Variants in MEIS2 observed in about 807,000 individuals in gnomAD.
MEIS2 encodes homeobox protein Meis2.
MEIS2 carries 9 observed loss-of-function variants against 58.6 expected under a neutral mutation model. The ratio of observed to expected loss-of-function variants is 0.15; its 90% confidence interval spans 0.09 to 0.27. The LOEUF (loss-of-function observed/expected upper bound fraction) is 0.27. Among genes scored for constraint, MEIS2 ranks in the 10% least tolerant of loss-of-function variants. The probability of loss-of-function intolerance (pLI) is 1.00; values close to 1 mark genes in which losing one functional copy is unlikely to be tolerated. For missense variants in MEIS2, 427 were observed against 635.0 expected (o/e 0.67, Z 3.52); for synonymous variants, 221 against 228.4 (o/e 0.97, Z 0.29).
intron 1 of MEIS2, 121 bp downstream of exon 1, chr15:37,099,334 A>G (rs897210866): frequency 3.2e-6 from 5 of 1,564,200 alleles, no homozygotes; most frequent in South Asian, 1.2e-5. Flanking sequence ...TTTTTAAAAT[A>G]CTGGCCGCCA....
At chr15:36,922,477 T>TA (rs2057554359) in intron 9 of MEIS2, among the ~76,000 whole-genome samples, 2 of 151,930 alleles carry the variant, frequency 1.3e-5, no homozygotes, top group African/African-American at 4.8e-5. Context: ...TTTTTTTTTT[T>TA]AAATGTTACA....
rs2061665531 is a variant in MEIS2 at position 37,025,334 on chromosome 15, T to TC, written c.900+11479dup. Among the ~76,000 whole-genome samples, 3 of 152,322 alleles carry TC rather than the reference T, an allele frequency of 2.0e-5. No individual in the cohort carries two copies. The South Asian group carries it at 6.2e-4, about 32-fold the overall frequency. On this transcript the variant is annotated intron_variant, in intron 8 of 11. Coordinates refer to ENST00000561208, the MANE Select transcript of MEIS2 (RefSeq NM_170675.5). ...CACTCAGATAAATTAAATAACTTGC[T>TC]CAAAATAATCCAGGGAGCAAAAGGC...
At chr15:36,911,530 G>A (rs1189872943) in intron 9 of MEIS2, among the ~76,000 whole-genome samples, 2 of 151,400 alleles carry the variant, frequency 1.3e-5, no homozygotes, top group Non-Finnish European at 2.9e-5. Flanking sequence ...TGCTGCTTTG[G>A]ATAATGTATA....
chr15:36,972,294 G>GC (rs1224032471), intron 8 of MEIS2, among the ~76,000 whole-genome samples: 1 of 152,178 alleles, frequency 6.6e-6, no homozygotes, highest in Non-Finnish European at 1.5e-5. Context: ...ATCCTGACTA[G>GC]CTGGTGAGCA....
intron 7 of MEIS2, among the ~76,000 whole-genome samples, chr15:37,058,969 G>T (rs1466640627): frequency 1.3e-5 from 2 of 152,104 alleles, no homozygotes; most frequent in Non-Finnish European, 2.9e-5. Context: ...AGAAAAGACT[G>T]TTCTGTAAGA....
intron 8 of MEIS2, among the ~76,000 whole-genome samples, chr15:36,967,454 T>A (rs1418423349): frequency 6.6e-6 from 1 of 152,182 alleles, no homozygotes; most frequent in Non-Finnish European, 1.5e-5. Context: ...ACTAAGCTGA[T>A]TTGGAAGAAA....
chr15:37,098,404 GAGAGAGAGAGAGA>G, intron 1 of MEIS2: 1 of 1,212,228 alleles, frequency 8.2e-7, no homozygotes, highest in Non-Finnish European at 1.0e-6. Flanking sequence ...GAGAGAGAGA[GAGAGAGAGAGAGA>G]GAGAGAGAAA....
rs2055777678 is a variant in MEIS2, at chr15:36,889,330, G to A, written c.*2843C>T. ...GTCTTTCTTAAATATACCCAAATCG[G>A]AACTCTTTACACTAAATAGTAAACC... On this transcript the variant is annotated 3_prime_UTR_variant, in exon 12 of 12. Coordinates refer to ENST00000561208, the MANE Select transcript of MEIS2 (RefSeq NM_170675.5). 6.6e-6 allele frequency: 1 copy of A among 151,922 alleles called. No individual in the cohort carries two copies. Among genetic ancestry groups the A allele is most frequent in the Non-Finnish European group, 1.5e-5 (1 of 68,006 alleles). 9.4% of individuals were successfully genotyped at this position (151,922 alleles called of 1,614,324 possible).
chr15:37,062,511 A>C (rs1174416065), intron 7 of MEIS2, among the ~76,000 whole-genome samples: 3 of 152,358 alleles, frequency 2.0e-5, no homozygotes, highest in African/African-American at 7.2e-5. Flanking sequence ...TTCACAAAGA[A>C]GACGGAAACG....
chr15:37,099,412 G>A (rs1324108866), intron 1 of MEIS2, 43 bp downstream of exon 1: 6 of 1,614,034 alleles, frequency 3.7e-6, no homozygotes, highest in Non-Finnish European at 5.1e-6. Flanking sequence ...CCCCTCTTAG[G>A]AGAGGATTTA....
upstream of MEIS2, chr15:37,100,838 G>T (rs1443266108): frequency 1.3e-5 from 2 of 151,058 alleles, no homozygotes; most frequent in East Asian, 3.9e-4. Context: ...AAAACCACAG[G>T]GAAAGTACGG....
chr15:37,026,111 G>A (rs1303068419), intron 8 of MEIS2, among the ~76,000 whole-genome samples: 1 of 152,178 alleles, frequency 6.6e-6, no homozygotes, highest in Non-Finnish European at 1.5e-5. Context: ...CTGCCTGCAG[G>A]TATCTTGAAA....
chr15:37,079,089 C>A (rs1891847224), intron 7 of MEIS2, among the ~76,000 whole-genome samples: 1 of 151,944 alleles, frequency 6.6e-6, no homozygotes. Flanking sequence ...TGGATGTTTG[C>A]TGATGGTTAA....
intron 8 of MEIS2, among the ~76,000 whole-genome samples, chr15:36,952,252 C>T (rs1343750360): frequency 1.3e-5 from 2 of 151,096 alleles, no homozygotes; most frequent in Non-Finnish European, 2.9e-5. Flanking sequence ...GTGGGAGGGG[C>T]GGTGGCAAAA....
At chr15:36,952,447 A>T (rs1235318018) in intron 8 of MEIS2, among the ~76,000 whole-genome samples, 1 of 152,124 alleles carries the variant, frequency 6.6e-6, no homozygotes, top group Admixed American at 6.6e-5. Flanking sequence ...GAGTATCTAG[A>T]TCTGCATTGG....
intron 8 of MEIS2, among the ~76,000 whole-genome samples, chr15:36,952,316 T>C (rs1026837005): frequency 6.6e-6 from 1 of 152,162 alleles, no homozygotes; most frequent in Non-Finnish European, 1.5e-5. Context: ...TCAGGGGAGT[T>C]GCACCCTTTG....
intron 6 of MEIS2, among the ~76,000 whole-genome samples, chr15:37,088,844 G>C (rs562001644): frequency 1.3e-5 from 2 of 152,124 alleles, no homozygotes; most frequent in African/African-American, 4.8e-5. Context: ...TTAAAACTTT[G>C]AATTGTGTTG....
intron 8 of MEIS2, among the ~76,000 whole-genome samples, chr15:36,974,858 AC>A (rs2059687731): frequency 6.6e-6 from 1 of 152,232 alleles, no homozygotes; most frequent in Admixed American, 6.5e-5. Context: ...TGTTCTTGAA[AC>A]CCTTTGCATT....
chr15:37,055,100 G>C (rs561420902), intron 7 of MEIS2, among the ~76,000 whole-genome samples: 1 of 152,160 alleles, frequency 6.6e-6, no homozygotes, highest in African/African-American at 2.4e-5. Context: ...AAACAGGGAT[G>C]ACACCAATTG....
Sources: gnomAD v4.1 joint callset for allele counts (sites outside exome capture counted in the v4.1 genomes callset) on GRCh38, gnomAD v4.1.1 for gene constraint, MANE v1.5 for transcripts, NCBI Gene and HGNC (gene_info 2026-07-23, HGNC 2026-07-21) for gene names.